Variants in PPP1R13B observed in about 807,000 individuals in gnomAD.
The protein encoded by PPP1R13B is apoptosis-stimulating of p53 protein 1.
PPP1R13B carries 44 observed loss-of-function variants against 119.8 expected under a neutral mutation model. The observed-to-expected ratio is 0.37, with a 90% CI of 0.29 to 0.47. The LOEUF is 0.47. Ranked by LOEUF, PPP1R13B falls within the 20% of genes least tolerant of loss-of-function variation. The pLI, the probability that PPP1R13B is intolerant of heterozygous loss-of-function variation, is 0.99. For synonymous variants in PPP1R13B, 542 were observed against 561.5 expected, an observed-to-expected ratio of 0.97 and a Z score of 0.49; for missense variants, 1,227 against 1,413.5, an observed-to-expected ratio of 0.87 and a Z score of 2.12.
At chr14:103,747,833 T>C (rs984769143) in intron 8 of PPP1R13B, among the ~76,000 whole-genome samples, 4 of 152,148 alleles carry the variant, frequency 2.6e-5, no homozygotes, top group Admixed American at 1.3e-4. Flanking sequence ...AACTTTCAAA[T>C]TGGTAGATTT....
chr14:103,754,235 A>T lies in PPP1R13B; in HGVS notation c.466T>A (p.Leu156Ile). 1 of 1,608,262 alleles carries T rather than the reference A, an allele frequency of 6.2e-7. No individual in the cohort carries two copies. The highest frequency in any genetic ancestry group is 8.5e-7 in the Non-Finnish European group (1 of 1,178,152). Residue 156 changes from leucine to isoleucine, a missense_variant, in exon 6 of 17, where the codon TTA (leucine) becomes ATA (isoleucine). Physicochemically the swap from Leu to Ile is conservative, Grantham distance 5. Coordinates refer to ENST00000202556, the MANE Select transcript of PPP1R13B (RefSeq NM_015316.3). ...CGCTCCTGTTGCTTTAGAAAATGTA[A>T]ACGCTGTTCCTAACAAAAGAAAGAA... ...QQMLVAKEQR[L>I]HFLKQQERRQ...
intron 1 of PPP1R13B, among the ~76,000 whole-genome samples, chr14:103,836,345 C>A (rs2086777705): frequency 6.6e-6 from 1 of 152,088 alleles, no homozygotes; most frequent in Admixed American, 6.6e-5. Flanking sequence ...CATGCCCAGC[C>A]CCTAACTACT....
upstream of PPP1R13B, chr14:103,847,799 C>T: frequency 4.7e-6 from 1 of 213,882 alleles, no homozygotes; most frequent in Non-Finnish European, 8.0e-6. Flanking sequence ...GCAGTGGGCA[C>T]CGGTGGCCTC....
intron 2 of PPP1R13B, among the ~76,000 whole-genome samples, chr14:103,791,214 C>T (rs568144025): frequency 5.1e-4 from 78 of 151,904 alleles, no homozygotes; most frequent in Middle Eastern, 6.8e-3. Context: ...CTTGAACTTC[C>T]GGGCTCAAGG....
intron 4 of PPP1R13B, among the ~76,000 whole-genome samples, chr14:103,771,722 C>T (rs569182997): frequency 6.6e-6 from 1 of 152,136 alleles, no homozygotes; most frequent in African/African-American, 2.4e-5. Flanking sequence ...CTCAGGTGAC[C>T]CACCCACCTT....
At position 103,739,807 on chromosome 14, in the gene PPP1R13B, C is replaced by G. The variant is rs1169285608; in HGVS notation, c.2592+17G>C. 10 of 1,584,684 alleles carry G rather than the reference C, an allele frequency of 6.3e-6. No individual in the cohort carries two copies. The highest frequency in any genetic ancestry group is 1.3e-5 in the African/African-American group (1 of 74,422). On this transcript the variant is annotated intron_variant, in intron 12 of 16. Transcript: ENST00000202556. ...ATGACCAGGAAGGCCAGGCTTTGGT[C>G]TAGCAATGACACCCACCGTGGAGGT...
At position 103,740,350 on chromosome 14, in the gene PPP1R13B, G is replaced by A; in HGVS notation, c.2066C>T (p.Ala689Val). The A allele has an allele frequency of 6.4e-7, 1 of 1,566,360 alleles. No individual in the cohort carries two copies. Residue 689 changes from alanine to valine, a missense_variant, in exon 12 of 17, where the codon GCA (alanine) becomes GTA (valine). Coordinates refer to ENST00000202556, the MANE Select transcript of PPP1R13B (RefSeq NM_015316.3). This position sits in a 1 kb window ranked among gnomAD's most constrained non-coding sequence, Gnocchi z 4.6. ...VHSPLRYQSDADLEALRRKLA... is the reference protein window; with the variant it reads ...VHSPLRYQSDVDLEALRRKLA... ...CTTCCTGCGGAGGGCCTCCAGGTCT[G>A]CATCACTCTGGTAGCGCAGTGGCGA...
intron 1 of PPP1R13B, among the ~76,000 whole-genome samples, chr14:103,841,958 G>C (rs2086918906): frequency 6.6e-6 from 1 of 152,144 alleles, no homozygotes. Flanking sequence ...AAGAGACTAA[G>C]TCCAAAGGTC....
intron 9 of PPP1R13B, among the ~76,000 whole-genome samples, chr14:103,745,799 T>TTTTTG (rs571446863): frequency 5.3e-5 from 8 of 152,096 alleles, no homozygotes; most frequent in East Asian, 1.9e-4. Context: ...GGGTCAGTTT[T>TTTTTG]TTTTGTTTTG....
rs370571341 is a variant in PPP1R13B at position 103,738,759 on chromosome 14, G to A, written c.2784C>T (p.Ala928=). ...CGATGTGATGGTGGCCGGCGCAGAC[G>A]GCGTTGTGCAGTGGGGTGATCCCTT... ...NDEGITPLHN[A]VCAGHHHIVK... Residue 928 remains alanine, a synonymous_variant, in exon 14 of 17, where the codon GCC becomes GCT. Transcript: ENST00000202556. The surrounding 1 kb of genome is among the most constrained non-coding windows in gnomAD (Gnocchi z 5.6). 300 of 1,614,222 alleles carry A rather than the reference G, an allele frequency of 1.9e-4. No homozygotes were observed. The highest frequency in any genetic ancestry group is 2.3e-4 in the Non-Finnish European group (267 of 1,180,044).
At chr14:103,824,804 T>C (rs1400820655) in intron 1 of PPP1R13B, among the ~76,000 whole-genome samples, 1 of 152,192 alleles carries the variant, frequency 6.6e-6, no homozygotes, top group East Asian at 1.9e-4. Context: ...GTCACTTTCT[T>C]TGTACTACAT....
intron 1 of PPP1R13B, among the ~76,000 whole-genome samples, chr14:103,812,629 G>A (rs968205848): frequency 6.6e-6 from 1 of 151,934 alleles, no homozygotes; most frequent in African/African-American, 2.4e-5. Flanking sequence ...ATGTTGGCCA[G>A]GCTGGTCTCG....
chr14:103,839,336 G>T (rs908855333), intron 1 of PPP1R13B, among the ~76,000 whole-genome samples: 1 of 151,884 alleles, frequency 6.6e-6, no homozygotes, highest in Non-Finnish European at 1.5e-5. Context: ...TCTGATAAAA[G>T]AAATCTCTCG....
intron 1 of PPP1R13B, among the ~76,000 whole-genome samples, chr14:103,829,909 G>A (rs1163973224): frequency 6.6e-6 from 1 of 151,956 alleles, no homozygotes; most frequent in Non-Finnish European, 1.5e-5. Flanking sequence ...CTCCCAAGTA[G>A]CTGGGACTAC....
At chr14:103,781,672 AAC>A (rs1406291523) in intron 3 of PPP1R13B, among the ~76,000 whole-genome samples, 3 of 151,976 alleles carry the variant, frequency 2.0e-5, no homozygotes, top group Non-Finnish European at 4.4e-5. Context: ...TTGTTTTTGA[AAC>A]ACAGTCTCGC....
intron 2 of PPP1R13B, among the ~76,000 whole-genome samples, chr14:103,789,598 C>T (rs892053319): frequency 6.6e-6 from 1 of 151,906 alleles, no homozygotes; most frequent in African/African-American, 2.4e-5. Context: ...TATACAACCT[C>T]TGTCTCCCGG....
intron 1 of PPP1R13B, among the ~76,000 whole-genome samples, chr14:103,832,152 T>C (rs1235708023): frequency 6.6e-6 from 1 of 152,102 alleles, no homozygotes; most frequent in Non-Finnish European, 1.5e-5. Flanking sequence ...ACAGCTCATC[T>C]AAAATGTATC....
At chr14:103,792,342 TA>T (rs2152035314) in intron 2 of PPP1R13B, among the ~76,000 whole-genome samples, 1 of 152,268 alleles carries the variant, frequency 6.6e-6, no homozygotes, top group East Asian at 1.9e-4. Context: ...CACGCCCAGC[TA>T]ATTTTTGTAT....
rs1002848951 is a variant in PPP1R13B at position 103,815,628 on chromosome 14, G to A, written c.10-18110C>T. Among the ~76,000 whole-genome samples the A allele has an allele frequency of 1.2e-4, 19 of 152,080 alleles. No homozygotes were observed. The East Asian group carries it at 1.7e-3, about 14-fold the overall frequency. On this transcript the variant is annotated intron_variant, in intron 1 of 16. Coordinates refer to ENST00000202556, the MANE Select transcript of PPP1R13B (RefSeq NM_015316.3). ...AAAATTATCCTGCACGGTGGCGGGCGCCTGTAATCCCAGCTACTCAGGAGG... is the reference window on the plus strand; with the variant it reads ...AAAATTATCCTGCACGGTGGCGGGCACCTGTAATCCCAGCTACTCAGGAGG...
Sources: allele counts gnomAD v4.1 joint callset (sites outside exome capture counted in the v4.1 genomes callset), GRCh38; gene constraint gnomAD v4.1.1; non-coding constraint Gnocchi (gnomAD v3.1); transcripts MANE v1.5; gene names NCBI Gene and HGNC (gene_info 2026-07-23, HGNC 2026-07-21).